EVC: variants seen among roughly 807,000 people sequenced by gnomAD.
The protein encoded by EVC is evC complex member EVC.
A neutral mutation model predicts 118.9 loss-of-function variants in EVC; 116 were observed. The observed-to-expected ratio is 0.98, with a 90% CI of 0.84 to 1.14. EVC has a LOEUF of 1.14. Among genes scored for constraint, EVC ranks in the 50% most tolerant of loss-of-function variants. The pLI is 0.00. For synonymous variants in EVC, 619 were observed against 534.7 expected (o/e 1.16, Z -2.18); for missense variants, 1,401 against 1,246.4 (o/e 1.12, Z -1.87).
At chr4:5,783,084 G>A (rs546952129) in intron 11 of EVC, among the ~76,000 whole-genome samples, 1 of 150,062 alleles carries the variant, frequency 6.7e-6, no homozygotes, top group Admixed American at 6.6e-5. Flanking sequence ...GGCTGTGCGT[G>A]TGTGCGTGTG....
Position 5,793,617 on chromosome 4 carries a change from G to A in EVC, c.1786G>A (p.Glu596Lys). Residue 596 changes from glutamate to lysine, a missense_variant, in exon 13 of 21, where the codon GAG becomes AAG. Transcript: ENST00000264956. ...LLEQDQQVWM[E>K]ECALSSVLQT... ...TCTGTCCCGAGTTCAGGTGTGGATG[G>A]AGGAGTGTGCGCTGTCCAGCGTGCT... is the stretch of plus-strand genomic sequence containing the variant. The A allele has an allele frequency of 6.4e-7, 1 of 1,551,124 alleles. No individual in the cohort carries two copies. The highest frequency in any genetic ancestry group is 8.7e-7 in the Non-Finnish European group (1 of 1,146,908).
chr4:5,822,809 A>G, the EVC span, among the ~76,000 whole-genome samples: 2 of 152,194 alleles, frequency 1.3e-5, no homozygotes, highest in South Asian at 2.1e-4. Flanking sequence ...TCAACTTATC[A>G]CCAGATCCTC....
chr4:5,820,186 A>G, the EVC span, among the ~76,000 whole-genome samples: 16,616 of 152,150 alleles, frequency 0.11, 1,990 homozygotes, highest in African/African-American at 0.3. Flanking sequence ...AGCACCTGGC[A>G]TATAGCAACT....
At chr4:5,715,977 C>T (rs973356134) in intron 1 of EVC, among the ~76,000 whole-genome samples, 7 of 152,158 alleles carry the variant, frequency 4.6e-5, no homozygotes, top group African/African-American at 7.2e-5. Context: ...CTCCTGAGCT[C>T]GTGATCCACC....
Position 5,711,491 on chromosome 4 carries a change from GCTCGGC to G in EVC, c.126_131del (p.Gly43_Leu44del), listed in dbSNP as rs1164121689. The G allele has an allele frequency of 2.7e-6, 3 of 1,124,422 alleles. No homozygotes were observed. The highest frequency in any genetic ancestry group is 4.2e-5 in the South Asian group (1 of 23,638). 69.7% of individuals were successfully genotyped at this position (1,124,422 alleles called of 1,614,324 possible). ...CCCCCGCCGTGCTGCTGGGCGCCGCGCTCGGCCTCGGCCTCGGCCTTTGGCTTGGCT... is the reference window on the plus strand; with the variant it reads ...CCCCCGCCGTGCTGCTGGGCGCCGCGCTCGGCCTCGGCCTTTGGCTTGGCT... On this transcript the variant is annotated inframe_deletion, in exon 1 of 21. Coordinates refer to ENST00000264956, the MANE Select transcript of EVC (RefSeq NM_153717.3).
rs897308171 is a variant in EVC at position 5,775,974 on chromosome 4, A to C, written c.1564-7578A>C. Among the ~76,000 whole-genome samples, 6 of 152,058 alleles carry C rather than the reference A, an allele frequency of 3.9e-5. 1 individual carries two copies. The highest frequency in any genetic ancestry group is 1.4e-4 in the African/African-American group (6 of 41,394). ...GTCGTATTTAATTTAGTTTTTCTTA[A>C]TATTGCTTTGTGGTTTCTACCATTA... On this transcript the variant is annotated intron_variant, in intron 11 of 20. Coordinates refer to ENST00000264956, the MANE Select transcript of EVC (RefSeq NM_153717.3).
At chr4:5,769,486 C>G (rs1733610163) in intron 11 of EVC, among the ~76,000 whole-genome samples, 1 of 152,182 alleles carries the variant, frequency 6.6e-6, no homozygotes, top group African/African-American at 2.4e-5. Context: ...CCCCCTGTCT[C>G]TCGGCCTCTA....
rs141031111 is a variant in EVC at position 5,810,848 on chromosome 4, A to C, written c.2895-105A>C. 1,835 of 1,120,830 alleles carry C rather than the reference A, an allele frequency of 1.6e-3. 18 individuals are homozygous for C. In the African/African-American group the frequency reaches 0.024, roughly 15 times the overall value. The allele number at this position is 1,120,830 out of a possible 1,614,324, so 69.4% of individuals were successfully genotyped here. A position where few individuals can be genotyped will look rare whatever the true frequency, so the allele number is the denominator to read the frequency against. ...CCATGTCAAAGTAAAAATTGTTTTG[A>C]TCACCTTTGGCTGCATTTTCATTTA... On this transcript the variant is annotated intron_variant, in intron 20 of 20. Coordinates refer to ENST00000264956, the MANE Select transcript of EVC (RefSeq NM_153717.3).
rs970224660 is a variant in EVC, at chr4:5,728,182, A to T, written c.301-1125A>T. Reference sequence around the variant, plus strand: ...CTTGGGCAGTATGGCCATTTTCACGATACTGATTCTTGCTACCCATGAGCA... The same window carrying T: ...CTTGGGCAGTATGGCCATTTTCACGTTACTGATTCTTGCTACCCATGAGCA... On this transcript the variant is annotated intron_variant, in intron 2 of 20. Transcript: ENST00000264956. 3.7e-4 allele frequency among the ~76,000 whole-genome samples: 57 copies of T among 152,284 alleles called. 1 individual carries two copies. Among genetic ancestry groups the T allele is most frequent in the African/African-American group, 1.3e-3 (52 of 41,550 alleles).
the EVC span, chr4:5,828,316 C>G: frequency 1.0e-6 from 1 of 985,086 alleles, no homozygotes; most frequent in Non-Finnish European, 1.2e-6. Context: ...ATGCTCACTC[C>G]TGTCCTCAGA....
the EVC span, chr4:5,828,421 C>T: frequency 3.2e-6 from 5 of 1,564,052 alleles, no homozygotes; most frequent in South Asian, 1.2e-5. Flanking sequence ...CGTCAGATCT[C>T]GATTCCCCAA....
At position 5,756,990 on chromosome 4, in the gene EVC, G is replaced by A. The variant is rs953501330; in HGVS notation, c.1563+628G>A. 6.6e-6 allele frequency among the ~76,000 whole-genome samples: 1 copy of A among 152,204 alleles called. No individual in the cohort carries two copies. The highest frequency in any genetic ancestry group is 1.5e-5 in the Non-Finnish European group (1 of 68,038). On this transcript the variant is annotated intron_variant, in intron 11 of 20. Coordinates refer to ENST00000264956, the MANE Select transcript of EVC (RefSeq NM_153717.3). The surrounding 1 kb of genome is among the most constrained non-coding windows in gnomAD (Gnocchi z 4.2). Reference sequence around the variant, plus strand: ...GCTATGAAGGAATCAACCAGTGGGTGTTGGGCAGCACTGGGAGGAGGAGAG... The same window carrying A: ...GCTATGAAGGAATCAACCAGTGGGTATTGGGCAGCACTGGGAGGAGGAGAG...
the EVC span, among the ~76,000 whole-genome samples, chr4:5,819,398 G>C: frequency 2.0e-5 from 3 of 152,182 alleles, no homozygotes; most frequent in Admixed American, 6.5e-5. Flanking sequence ...GAGGTAAAAG[G>C]AAGTCACATG....
chr4:5,731,768 G>C lies in EVC; in HGVS notation c.617+111G>C. The C allele has an allele frequency of 9.1e-6, 10 of 1,103,394 alleles. No homozygotes were observed. Among genetic ancestry groups the C allele is most frequent in the Non-Finnish European group, 1.3e-5 (10 of 742,824 alleles). 68.4% of individuals were successfully genotyped at this position (1,103,394 alleles called of 1,614,324 possible). ...AGGCCCAGAGAGGTTCAGTGACTCT[G>C]CCAGGGACACACAGCGACCCAGCGT... On this transcript the variant is annotated intron_variant, in intron 4 of 20. Coordinates refer to ENST00000264956, the MANE Select transcript of EVC (RefSeq NM_153717.3). The surrounding 1 kb of genome is among the most constrained non-coding windows in gnomAD (Gnocchi z 5.6).
intron 9 of EVC, 121 bp from the exon 10 acceptor site, chr4:5,753,664 G>A (rs1730735049): frequency 7.7e-7 from 1 of 1,296,994 alleles, no homozygotes; most frequent in Non-Finnish European, 1.1e-6. Context: ...AGCAGGGCGG[G>A]CACCATCTCT....
At chr4:5,779,993 C>G (rs567815856) in intron 11 of EVC, among the ~76,000 whole-genome samples, 2 of 151,866 alleles carry the variant, frequency 1.3e-5, no homozygotes, top group Non-Finnish European at 2.9e-5. Flanking sequence ...ATAGATAGCT[C>G]TTATTATTTT....
intron 11 of EVC, among the ~76,000 whole-genome samples, chr4:5,771,244 G>A (rs1027368692): frequency 6.6e-6 from 1 of 152,116 alleles, no homozygotes; most frequent in African/African-American, 2.4e-5. Context: ...GGCTCCAGGG[G>A]AGAAACAGTT....
rs1297366565 is a variant in EVC, at chr4:5,719,677, C to T, written c.300+304C>T. Among the ~76,000 whole-genome samples, 1 of 152,188 alleles carries T rather than the reference C, an allele frequency of 6.6e-6. No individual in the cohort carries two copies. Among genetic ancestry groups the T allele is most frequent in the Admixed American group, 6.5e-5 (1 of 15,282 alleles). ...CCACACACTTCCAGAGGTGCCCATG[C>T]GTGGGATTTCCATTGATTGGTTCTG... On this transcript the variant is annotated intron_variant, in intron 2 of 20. Transcript: ENST00000264956. The surrounding 1 kb of genome is among the most constrained non-coding windows in gnomAD (Gnocchi z 4.7).
rs1297872842 is a variant in EVC at position 5,713,671 on chromosome 4, C to T, written c.174+2117C>T. Among the ~76,000 whole-genome samples, 19 of 82,194 alleles carry T rather than the reference C, an allele frequency of 2.3e-4. 1 individual carries two copies. The highest frequency in any genetic ancestry group is 7.0e-4 in the African/African-American group (12 of 17,046). 53.9% of individuals were successfully genotyped at this position (82,194 alleles called of 152,430 possible). On this transcript the variant is annotated intron_variant, in intron 1 of 20. Coordinates refer to ENST00000264956, the MANE Select transcript of EVC (RefSeq NM_153717.3). ...CAGCCTGGGCGATAGAGCAAGGCTC[C>T]GTCTCAAAAAAAAAAAAAAAAAAAA...
Sources: gnomAD v4.1 joint callset for allele counts (sites outside exome capture counted in the v4.1 genomes callset) on GRCh38, gnomAD v4.1.1 for gene constraint, Gnocchi (gnomAD v3.1) non-coding constraint, MANE v1.5 for transcripts, NCBI Gene and HGNC (gene_info 2026-07-23, HGNC 2026-07-21) for gene names.